TUBGCP6: variants seen among roughly 807,000 people sequenced by gnomAD.
TUBGCP6 encodes gamma-tubulin complex component 6.
A neutral mutation model predicts 175.8 loss-of-function variants in TUBGCP6; 161 were observed. The ratio of observed to expected loss-of-function variants is 0.92; its 90% CI spans 0.81 to 1.04. The LOEUF is 1.04. TUBGCP6 is among the 50% of genes least tolerant of loss of function. The probability of loss-of-function intolerance (pLI) is 0.00; values close to 1 mark genes in which losing one functional copy is unlikely to be tolerated. For missense variants in TUBGCP6, 2,572 were observed against 2,433.0 expected, an observed-to-expected ratio of 1.06 and a Z score of -1.20; for synonymous variants, 1,173 against 1,030.5, an observed-to-expected ratio of 1.14 and a Z score of -2.65.
chr22:50,230,542 G>A (rs905400693), intron 3 of TUBGCP6, among the ~76,000 whole-genome samples: 6 of 151,690 alleles, frequency 4.0e-5, no homozygotes, highest in Non-Finnish European at 8.8e-5. Context: ...GGAGGCAGAG[G>A]TTGCAGTGAG....
chr22:50,220,237 C>T lies in TUBGCP6; in HGVS notation c.4108+14G>A. 6.5e-7 allele frequency: 1 copy of T among 1,542,866 alleles called. No homozygotes were observed. The highest frequency in any genetic ancestry group is 8.8e-7 in the Non-Finnish European group (1 of 1,141,076). The stretch of plus-strand genomic sequence containing the variant: ...CACAGTCCCACTCCTGACCACCAGC[C>T]ACCCTACTCTGACCTAGTTCTTCAG... On this transcript the variant is annotated intron_variant, in intron 16 of 24. Transcript: ENST00000248846.
intron 4 of TUBGCP6, 136 bp from the exon 5 acceptor site, chr22:50,228,164 C>T (rs1368495189): frequency 9.3e-7 from 1 of 1,081,036 alleles, no homozygotes; most frequent in Non-Finnish European, 1.3e-6. Flanking sequence ...AGCAATGGGC[C>T]TCTGTGAGCC....
rs1379947109 is a variant in TUBGCP6, at chr22:50,244,114, G to C, written c.346C>G (p.Gln116Glu). 6.2e-7 allele frequency: 1 copy of C among 1,613,532 alleles called. No homozygotes were observed. Among genetic ancestry groups the C allele is most frequent in the African/African-American group, 1.3e-5 (1 of 74,936 alleles). The part of the protein sequence containing the change: ...EVGSVLDLLV[Q>E]LAGSGPPQVL... ...TGAGGGGGACCACTCCCTGCCAGCTGAACCAGGAGGTCCAAAACAGACCCC... is the reference window on the plus strand; with the variant it reads ...TGAGGGGGACCACTCCCTGCCAGCTCAACCAGGAGGTCCAAAACAGACCCC... The change falls in exon 1 of 25, where the codon CAG (glutamine) becomes GAG (glutamate). Residue 116 changes from glutamine to glutamate, a missense_variant. Gln to Glu is a conservative substitution (Grantham distance 29). Transcript: ENST00000248846.
intron 4 of TUBGCP6, 21 bp downstream of exon 4, chr22:50,229,383 A>G (rs2147193990): frequency 1.2e-6 from 2 of 1,609,408 alleles, no homozygotes; most frequent in East Asian, 2.2e-5. Flanking sequence ...GTGTGTGACA[A>G]CCATGAGGCA....
intron 2 of TUBGCP6, among the ~76,000 whole-genome samples, chr22:50,236,639 T>C (rs372358323): frequency 2.0e-5 from 3 of 152,268 alleles, no homozygotes; most frequent in South Asian, 2.1e-4. Flanking sequence ...ACCTCTGCTA[T>C]GAAGAGGGTG....
chr22:50,239,760 C>T (rs1057154332), intron 2 of TUBGCP6, among the ~76,000 whole-genome samples: 1 of 152,208 alleles, frequency 6.6e-6, no homozygotes, highest in African/African-American at 2.4e-5. Context: ...GAAAAGGCTC[C>T]TTCATCAGCA....
chr22:50,219,156 A>G lies in TUBGCP6; in HGVS notation c.4538T>C (p.Leu1513Pro). The G allele has an allele frequency of 6.2e-7, 1 of 1,612,806 alleles. No individual in the cohort carries two copies. Among genetic ancestry groups the G allele is most frequent in the Non-Finnish European group, 8.5e-7 (1 of 1,179,986 alleles). Residue 1513 changes from leucine to proline, a missense_variant, in exon 20 of 25, where the codon CTG becomes CCG. Physicochemically the swap from Leu to Pro is moderately conservative, Grantham distance 98 (BLOSUM62 -3). Transcript: ENST00000248846. ...AVDYFFVELH[L>P]EAHYEALRHF... The stretch of plus-strand genomic sequence containing the variant: ...CCGCAGTGCCTCATAGTGCGCCTCC[A>G]GGTGCAGCTCCACGAAGAAGTAGTC...
Position 50,219,834 on chromosome 22 carries a change from T to G in TUBGCP6, c.4168-43A>C. On this transcript the variant is annotated intron_variant, in intron 17 of 24. Coordinates refer to ENST00000248846, the MANE Select transcript of TUBGCP6 (RefSeq NM_020461.4). ...TCAGAACCACCTCCCCACTGCACGCTGTCCCCACAACCAGCTTGTGCCAAA... is the reference window on the plus strand; with the variant it reads ...TCAGAACCACCTCCCCACTGCACGCGGTCCCCACAACCAGCTTGTGCCAAA... 2.5e-6 allele frequency: 4 copies of G among 1,606,782 alleles called. No homozygotes were observed. In the South Asian group the frequency reaches 4.4e-5, roughly 18 times the overall value.
In TUBGCP6 at chr22:50,240,176, G is replaced by A. The variant is rs762345761; in HGVS notation, c.905+28C>T. On this transcript the variant is annotated intron_variant, in intron 2 of 24. Coordinates refer to ENST00000248846, the MANE Select transcript of TUBGCP6 (RefSeq NM_020461.4). ...ACGCTCATGCAGGGGTAGGGGCACT[G>A]CATGCCAAGGCAAAGAAGGGCACAC... The A allele has an allele frequency of 5.6e-6, 9 of 1,612,308 alleles. No individual in the cohort carries two copies. The African/African-American group carries it at 1.1e-4, about 19-fold the overall frequency.
In TUBGCP6 at chr22:50,218,167, G is replaced by A. The variant is rs765126435; in HGVS notation, c.5168+22C>T. The A allele has an allele frequency of 2.7e-5, 44 of 1,609,598 alleles. 1 individual carries two copies. Among genetic ancestry groups the A allele is most frequent in the Admixed American group, 1.0e-4 (6 of 59,956 alleles). On this transcript the variant is annotated intron_variant, in intron 23 of 24. Transcript: ENST00000248846. ...TGGGCTGAGCCGTGACCACAGGGAC[G>A]CAGCCGCTGCCCAGGCCTCACCTGA...
intron 1 of TUBGCP6, among the ~76,000 whole-genome samples, chr22:50,243,032 G>C (rs185087908): frequency 4.9e-4 from 74 of 152,298 alleles, no homozygotes; most frequent in African/African-American, 1.6e-3. Context: ...GAAGGTCACC[G>C]GGCCGGGCAC....
rs757712312 is a variant in TUBGCP6, at chr22:50,227,890, G to A, written c.1412+17C>T. 22 of 1,569,650 alleles carry A rather than the reference G, an allele frequency of 1.4e-5. No individual in the cohort carries two copies. The highest frequency in any genetic ancestry group is 5.8e-5 in the South Asian group (5 of 85,532). ...CTCCCGCAAAGTCCCCTGCTCAGCC[G>A]CCATGCTGAGGCTCACCTGAGCTGC... On this transcript the variant is annotated intron_variant, in intron 5 of 24. Transcript: ENST00000248846.
chr22:50,225,739 CCAGGAAGCAGAGG>C (rs1601591438), intron 10 of TUBGCP6, 42 bp downstream of exon 10: 1 of 1,566,994 alleles, frequency 6.4e-7, no homozygotes, highest in African/African-American at 1.4e-5. Flanking sequence ...ACCTGAGACC[CCAGGAAGCAGAGG>C]CAGGGGCGAA....
intron 7 of TUBGCP6, 106 bp from the exon 8 acceptor site, chr22:50,226,484 G>T: frequency 9.3e-7 from 1 of 1,080,692 alleles, no homozygotes; most frequent in Admixed American, 2.0e-5. Flanking sequence ...TGAGGGGCAA[G>T]TGGGGGCGTA....
intron 20 of TUBGCP6, 29 bp from the exon 21 acceptor site, chr22:50,218,926 G>A: frequency 6.3e-7 from 1 of 1,597,694 alleles, no homozygotes; most frequent in Non-Finnish European, 8.5e-7. Flanking sequence ...ACCGTCCCCA[G>A]GAGTCCCAAG....
At chr22:50,222,718 T>TGGTAGGGGGAG in intron 13 of TUBGCP6, 126 bp from the exon 14 acceptor site, 1 of 1,349,192 alleles carries the variant, frequency 7.4e-7, no homozygotes, top group Non-Finnish European at 1.0e-6. Flanking sequence ...CGTCTCCCCC[T>TGGTAGGGGGAG]ACCAGGGGCT....
rs111335098 is a variant in TUBGCP6 at position 50,218,579 on chromosome 22, C to A, written c.4863G>T (p.Val1621=). The A allele has an allele frequency of 6.2e-7, 1 of 1,613,652 alleles. No homozygotes were observed. The highest frequency in any genetic ancestry group is 8.5e-7 in the Non-Finnish European group (1 of 1,179,832). Residue 1621 remains valine (V), a synonymous_variant, in exon 22 of 25, where the codon GTG becomes GTT. Coordinates refer to ENST00000248846, the MANE Select transcript of TUBGCP6 (RefSeq NM_020461.4). ...PLNIVITEGC[V]SKYSGVFSFL... Reference sequence around the variant, plus strand: ...AGGAGAAGACGCCGCTGTACTTGCTCACGCAGCCCTCGGTGATGACAATGT... The same window carrying A: ...AGGAGAAGACGCCGCTGTACTTGCTAACGCAGCCCTCGGTGATGACAATGT...
intron 1 of TUBGCP6, among the ~76,000 whole-genome samples, chr22:50,242,905 G>A (rs17836669): frequency 0.024 from 3,630 of 152,288 alleles, 90 homozygotes; most frequent in East Asian, 0.12. Flanking sequence ...TGCTTTGGCC[G>A]GCAGGTGGGC....
At chr22:50,218,919 G>A (rs777550104) in intron 20 of TUBGCP6, 22 bp from the exon 21 acceptor site, 81 of 1,597,614 alleles carry the variant, frequency 5.1e-5, no homozygotes, top group Admixed American at 3.6e-4. Context: ...AGGGACCACC[G>A]TCCCCAGGAG....
Sources: allele counts gnomAD v4.1 joint callset (sites outside exome capture counted in the v4.1 genomes callset), GRCh38; gene constraint gnomAD v4.1.1; transcripts MANE v1.5; gene names NCBI Gene and HGNC (gene_info 2026-07-23, HGNC 2026-07-21).